The following PTPRN2 variants were observed in gnomAD, a reference collection of about 807,000 sequenced individuals.
The protein encoded by PTPRN2 is receptor-type tyrosine-protein phosphatase N2.
Under a neutral mutation model 118.8 loss-of-function variants are expected in PTPRN2, and 74 were observed. The ratio of observed to expected loss-of-function variants is 0.62; its 90% CI spans 0.52 to 0.76. The LOEUF is 0.76. Among genes scored for constraint, PTPRN2 ranks in the 30% least tolerant of loss-of-function variants. The probability of loss-of-function intolerance (pLI) is 0.00; values close to 1 mark genes in which losing one functional copy is unlikely to be tolerated. For synonymous variants in PTPRN2, 641 were observed against 608.0 expected, an observed-to-expected ratio of 1.05 and a Z score of -0.80; for missense variants, 1,481 against 1,394.4, an observed-to-expected ratio of 1.06 and a Z score of -0.99.
chr7:158,513,117 C>T (rs922280790), intron 1 of PTPRN2, among the ~76,000 whole-genome samples: 4 of 152,124 alleles, frequency 2.6e-5, no homozygotes, highest in Non-Finnish European at 5.9e-5. Context: ...GAAGCCGCAA[C>T]CCTCCCCACC....
intron 11 of PTPRN2, among the ~76,000 whole-genome samples, chr7:158,014,760 T>A (rs1449412028): frequency 6.6e-6 from 1 of 151,520 alleles, no homozygotes. Flanking sequence ...CACCCATTCA[T>A]CTACTCACCC....
chr7:157,730,683 T>C (rs1799844041), intron 12 of PTPRN2, among the ~76,000 whole-genome samples: 1 of 152,180 alleles, frequency 6.6e-6, no homozygotes, highest in East Asian at 1.9e-4. Flanking sequence ...TAGGAGGTGA[T>C]GATGACCACA....
chr7:158,534,835 C>T (rs970118999), intron 1 of PTPRN2, among the ~76,000 whole-genome samples: 15 of 151,680 alleles, frequency 9.9e-5, no homozygotes, highest in East Asian at 1.9e-4. Context: ...TCAGCAGAGA[C>T]GACGCCTGCA....
chr7:158,053,914 TGCAGAGACTCCAGAGAC>T (rs1563366200), intron 11 of PTPRN2, among the ~76,000 whole-genome samples: 2 of 134,948 alleles, frequency 1.5e-5, no homozygotes, highest in Non-Finnish European at 1.5e-5. Context: ...ACCCCAGAGA[TGCAGAGACTCCAGAGAC>T]GCAGAGACTC....
Position 158,262,677 on chromosome 7 carries a change from CACAT to C in PTPRN2, c.277+54138_277+54141del, listed in dbSNP as rs1324400678. 3.3e-5 allele frequency among the ~76,000 whole-genome samples: 4 copies of C among 119,594 alleles called. No homozygotes were observed. In the East Asian group the frequency reaches 7.9e-4, roughly 24 times the overall value. The allele number at this position is 119,594 out of a possible 152,430, so 78.5% of individuals were successfully genotyped here. A position where few individuals can be genotyped will look rare whatever the true frequency, so the allele number is the denominator to read the frequency against. On this transcript the variant is annotated intron_variant, in intron 3 of 22. Transcript: ENST00000389418. ...CACTGACACACTGCACGCACATTCA[CACAT>C]ACACACATTCACACACACTGCACAG...
At chr7:158,071,469 G>GAGGTGCTCC (rs1811633831) in intron 11 of PTPRN2, among the ~76,000 whole-genome samples, 4 of 137,352 alleles carry the variant, frequency 2.9e-5, no homozygotes, top group Admixed American at 1.4e-4. Context: ...GGTGCTCGTG[G>GAGGTGCTCC]TGGTGGAGGT....
At chr7:158,332,937 G>A (rs1235344259) in intron 2 of PTPRN2, among the ~76,000 whole-genome samples, 395 of 143,266 alleles carry the variant, frequency 2.8e-3, no homozygotes, top group African/African-American at 0.01. Context: ...AGTGACACCT[G>A]CAGACATCAC....
chr7:158,173,458 GAGT>G (rs1475159497), intron 5 of PTPRN2, among the ~76,000 whole-genome samples: 1 of 152,180 alleles, frequency 6.6e-6, no homozygotes, highest in Admixed American at 6.5e-5. Flanking sequence ...TACAAATAGG[GAGT>G]AGGTCACAGG....
At chr7:158,458,914 G>C (rs11979198) in intron 2 of PTPRN2, among the ~76,000 whole-genome samples, 1 of 152,174 alleles carries the variant, frequency 6.6e-6, no homozygotes, top group Non-Finnish European at 1.5e-5. Context: ...CACCCTCCAC[G>C]CAGCACAGGC....
intron 12 of PTPRN2, among the ~76,000 whole-genome samples, chr7:157,713,843 C>T (rs1315457037): frequency 6.6e-6 from 1 of 152,212 alleles, no homozygotes; most frequent in Non-Finnish European, 1.5e-5. Context: ...CGAAGCAGCT[C>T]TCGTGGGCTG....
At chr7:157,998,874 C>T (rs62476600) in intron 11 of PTPRN2, among the ~76,000 whole-genome samples, 22,516 of 150,896 alleles carry the variant, frequency 0.15, 1,750 homozygotes, top group Admixed American at 0.18. Flanking sequence ...TTTTGAAGCA[C>T]GTTTGGCTGG....
chr7:158,414,594 G>A (rs1169776176), intron 2 of PTPRN2, among the ~76,000 whole-genome samples: 1 of 152,176 alleles, frequency 6.6e-6, no homozygotes, highest in African/African-American at 2.4e-5. Context: ...AAGCTGGCAC[G>A]AGCTCACATG....
At position 157,590,845 on chromosome 7, in the gene PTPRN2, C is replaced by T. The variant is rs1056956652; in HGVS notation, c.2496+4393G>A. On this transcript the variant is annotated intron_variant, in intron 17 of 22. Coordinates refer to ENST00000389418, the MANE Select transcript of PTPRN2 (RefSeq NM_002847.5). The surrounding 1 kb of genome is among the most constrained non-coding windows in gnomAD (Gnocchi z 4.0). ...GGGCCCTCCTGGCTCCTCTGCCTCC[C>T]AGCAGCCCAGTGACCTCCAAACGGA... Among the ~76,000 whole-genome samples, 4 of 152,190 alleles carry T rather than the reference C, an allele frequency of 2.6e-5. No individual in the cohort carries two copies. Among genetic ancestry groups the T allele is most frequent in the Non-Finnish European group, 4.4e-5 (3 of 68,032 alleles).
At chr7:157,919,825 G>A (rs769821755) in intron 11 of PTPRN2, among the ~76,000 whole-genome samples, 9 of 152,208 alleles carry the variant, frequency 5.9e-5, no homozygotes, top group Non-Finnish European at 1.0e-4. Flanking sequence ...CCCACAAGTG[G>A]TGGTCCCATA....
At chr7:157,818,683 A>G (rs915973743) in intron 12 of PTPRN2, among the ~76,000 whole-genome samples, 5 of 152,096 alleles carry the variant, frequency 3.3e-5, no homozygotes, top group Admixed American at 6.5e-5. Context: ...TAATTTCCTC[A>G]TGTGCCAAAT....
chr7:158,208,449 C>T (rs1196759252), intron 3 of PTPRN2, among the ~76,000 whole-genome samples: 1 of 152,160 alleles, frequency 6.6e-6, no homozygotes, highest in Non-Finnish European at 1.5e-5. Flanking sequence ...TGCAGTACAT[C>T]TGGCAGCAGA....
intron 12 of PTPRN2, among the ~76,000 whole-genome samples, chr7:157,735,419 C>T (rs192292806): frequency 6.6e-5 from 10 of 152,272 alleles, no homozygotes; most frequent in African/African-American, 2.4e-4. Context: ...GTGCATCTGA[C>T]TTTGCTGGTG....
At position 158,314,442 on chromosome 7, in the gene PTPRN2, G is replaced by A. The variant is rs560777320; in HGVS notation, c.277+2377C>T. On this transcript the variant is annotated intron_variant, in intron 3 of 22. Coordinates refer to ENST00000389418, the MANE Select transcript of PTPRN2 (RefSeq NM_002847.5). ...TGGCTCGCTCCATGTTTGTCCCTGC[G>A]TGGGCAGCATTCCGTCTGTGTCATC... Among the ~76,000 whole-genome samples the A allele has an allele frequency of 1.7e-3, 261 of 152,362 alleles. 1 individual carries two copies. Among genetic ancestry groups the A allele is most frequent in the Non-Finnish European group, 3.5e-3 (236 of 68,040 alleles).
At position 157,589,580 on chromosome 7, in the gene PTPRN2, T is replaced by G. The variant is rs142187071; in HGVS notation, c.2496+5658A>C. On this transcript the variant is annotated intron_variant, in intron 17 of 22. Coordinates refer to ENST00000389418, the MANE Select transcript of PTPRN2 (RefSeq NM_002847.5). ...ATATTCAGCCTCCTCCCTAAGCGGC[T>G]TGTTGACAGCAACCAGAGCTCAACG... Among the ~76,000 whole-genome samples the G allele has an allele frequency of 2.6e-3, 400 of 152,332 alleles. 3 individuals are homozygous for G. The highest frequency in any genetic ancestry group is 9.2e-3 in the African/African-American group (381 of 41,576).
Sources: gnomAD v4.1 joint callset for allele counts (sites outside exome capture counted in the v4.1 genomes callset) on GRCh38, gnomAD v4.1.1 for gene constraint, Gnocchi (gnomAD v3.1) non-coding constraint, MANE v1.5 for transcripts, NCBI Gene and HGNC (gene_info 2026-07-23, HGNC 2026-07-21) for gene names.